Variants in CFHR3 observed in about 807,000 individuals in gnomAD.
The protein encoded by CFHR3 is complement factor H related 3.
CFHR3 carries 22 observed loss-of-function variants against 36.0 expected under a neutral mutation model. The ratio of observed to expected loss-of-function variants is 0.61; its 90% CI spans 0.44 to 0.87. The LOEUF (loss-of-function observed/expected upper bound fraction) is 0.87. Ranked by LOEUF, CFHR3 falls within the 40% of genes least tolerant of loss-of-function variation. The pLI is 0.00. For synonymous variants in CFHR3, 97 were observed against 137.4 expected (o/e 0.71, Z 2.06); for missense variants, 276 against 401.3 (o/e 0.69, Z 2.67).
intron 5 of CFHR3, among the ~76,000 whole-genome samples, chr1:196,792,797 G>A (rs1421047350): frequency 2.3e-5 from 3 of 130,996 alleles, no homozygotes; most frequent in Non-Finnish European, 4.8e-5. Context: ...ATGTATGTAT[G>A]TATATATAGT....
chr1:196,792,956 G>A (rs422427), intron 5 of CFHR3, among the ~76,000 whole-genome samples: 36,580 of 133,990 alleles, frequency 0.27, 10,204 homozygotes, highest in East Asian at 0.5. Flanking sequence ...TTGTCGAATG[G>A]GGGAAAGGAG....
intron 4 of CFHR3, chr1:196,789,253 T>C: frequency 1.2e-6 from 1 of 801,436 alleles, no homozygotes; most frequent in Non-Finnish European, 1.5e-6. Context: ...ATATGGAACC[T>C]TGATACATAA....
chr1:196,791,404 T>C (rs1260641568), intron 5 of CFHR3, among the ~76,000 whole-genome samples: 2 of 134,988 alleles, frequency 1.5e-5, no homozygotes, highest in South Asian at 2.6e-4. Flanking sequence ...GGTAGAGCCC[T>C]GGGACACCCA....
rs1324061253 is a variant in CFHR3, at chr1:196,791,963, C to CA, written c.797-1350dup. On this transcript the variant is annotated intron_variant, in intron 5 of 5. Transcript: ENST00000367425. ...TGATACAAGCAAGACTTTCAGTCTTCAAAACTAAAGAAGCAAAGAGCATTC... is the reference window on the plus strand; with the variant it reads ...TGATACAAGCAAGACTTTCAGTCTTCAAAAACTAAAGAAGCAAAGAGCATTC... Among the ~76,000 whole-genome samples, 3 of 133,858 alleles carry CA rather than the reference C, an allele frequency of 2.2e-5. 1 individual carries two copies. The highest frequency in any genetic ancestry group is 4.7e-5 in the Non-Finnish European group (3 of 63,854). 87.8% of individuals were successfully genotyped at this position (133,858 alleles called of 152,430 possible). A position where few individuals can be genotyped will look rare whatever the true frequency, so the allele number is the denominator to read the frequency against.
In CFHR3 at chr1:196,775,278, G is replaced by C. The variant is rs1305000723; in HGVS notation, c.58+334G>C. Among the ~76,000 whole-genome samples, 14 of 136,826 alleles carry C rather than the reference G, an allele frequency of 1.0e-4. 2 individuals are homozygous for C. The highest frequency in any genetic ancestry group is 8.5e-4 in the Admixed American group (12 of 14,178). The allele number at this position is 136,826 out of a possible 152,430, so 89.8% of individuals were successfully genotyped here. ...ACAGATTCTAAGCTTAAAATGTTCAGAATTTTCCTATACGTAATACAAGGG... is the reference window on the plus strand; with the variant it reads ...ACAGATTCTAAGCTTAAAATGTTCACAATTTTCCTATACGTAATACAAGGG... On this transcript the variant is annotated intron_variant, in intron 1 of 5. Coordinates refer to ENST00000367425, the MANE Select transcript of CFHR3 (RefSeq NM_021023.6).
chr1:196,782,273 C>T lies in CFHR3; in HGVS notation c.430+2300C>T, dbSNP rs1426750357. 3.6e-5 allele frequency among the ~76,000 whole-genome samples: 5 copies of T among 137,048 alleles called. 2 individuals carry two copies. The highest frequency in any genetic ancestry group is 3.1e-5 in the Non-Finnish European group (2 of 64,604). 89.9% of individuals were successfully genotyped at this position (137,048 alleles called of 152,430 possible). ...CTTTGTTCTTTTGGCTTAGGATTGA[C>T]TTGGTGATGCGGGCTCTTTTTTGGT... On this transcript the variant is annotated intron_variant, in intron 3 of 5. Coordinates refer to ENST00000367425, the MANE Select transcript of CFHR3 (RefSeq NM_021023.6).
At chr1:196,788,775 A>G (rs1488351663) in intron 4 of CFHR3, 2 of 1,456,678 alleles carry the variant, frequency 1.4e-6, no homozygotes, top group African/African-American at 3.4e-5. Flanking sequence ...GCTCACGCTC[A>G]GAAAAGTTGT....
In CFHR3 at chr1:196,779,885, C is replaced by A. The variant is rs763700926; in HGVS notation, c.342C>A (p.Cys114Ter). 6.5e-7 allele frequency: 1 copy of A among 1,533,162 alleles called. No individual in the cohort carries two copies. The highest frequency in any genetic ancestry group is 1.7e-5 in the Admixed American group (1 of 58,144). 95.0% of individuals were successfully genotyped at this position (1,533,162 alleles called of 1,614,324 possible). A position where few individuals can be genotyped will look rare whatever the true frequency, so the allele number is the denominator to read the frequency against. Residue 114 changes from cysteine to a stop codon, truncating the protein, a stop_gained, in exon 3 of 6, where the codon TGC becomes TGA. Coordinates refer to ENST00000367425, the MANE Select transcript of CFHR3 (RefSeq NM_021023.6). LOFTEE classifies it high-confidence loss of function. ...AGGGTAACTCTACAGAAGTTGCCTGCCATCCTGGCTACGGTCTTCCAAAAG... is the reference window on the plus strand; with the variant it reads ...AGGGTAACTCTACAGAAGTTGCCTGACATCCTGGCTACGGTCTTCCAAAAG... ...FVQGNSTEVA[C>*]HPGYGLPKAQ...
At chr1:196,780,003 G>A (rs1210069828) in intron 3 of CFHR3, 30 bp downstream of exon 3, 1 of 1,530,688 alleles carries the variant, frequency 6.5e-7, no homozygotes, top group Non-Finnish European at 8.8e-7. Context: ...ATCCCAGCAT[G>A]TTCATGTCTT....
At chr1:196,787,438 T>G (rs1309233152) in intron 3 of CFHR3, among the ~76,000 whole-genome samples, 1 of 137,054 alleles carries the variant, frequency 7.3e-6, no homozygotes, top group African/African-American at 3.1e-5. Flanking sequence ...TTTAACATGA[T>G]TTCTTTTTCT....
At position 196,789,162 on chromosome 1, in the gene CFHR3, A is replaced by G. The variant is rs1299919793; in HGVS notation, c.613+764A>G. 1.9e-5 allele frequency: 18 copies of G among 968,450 alleles called. 3 individuals carry two copies. Among genetic ancestry groups the G allele is most frequent in the Non-Finnish European group, 2.0e-5 (16 of 803,388 alleles). 60.0% of individuals were successfully genotyped at this position (968,450 alleles called of 1,614,324 possible). On this transcript the variant is annotated intron_variant, in intron 4 of 5. Transcript: ENST00000367425. ...AAATTGCTGAATGTATTTTTAACCC[A>G]AATACTGTTGTATAATTTACATACT...
rs751894448 is a variant in CFHR3, at chr1:196,788,303, A to G, written c.518A>G (p.Tyr173Cys). The change falls in exon 4 of 6, where the codon TAT (tyrosine) becomes TGT (cysteine). Residue 173 changes from tyrosine to cysteine, a missense_variant. By Grantham distance (194) the Tyr-to-Cys change is radical. Transcript: ENST00000367425. ...TATATTTTAAATAAAGAAATACAAT[A>G]TAAATGTAAACCAGGATATGCAACA... ...SIYILNKEIQ[Y>C]KCKPGYATAD... is the part of the protein sequence containing the mutation. The G allele has an allele frequency of 2.6e-6, 4 of 1,512,988 alleles. 1 individual carries two copies. The highest frequency in any genetic ancestry group is 2.6e-5 in the South Asian group (2 of 76,858). The allele number at this position is 1,512,988 out of a possible 1,614,324, so 93.7% of individuals were successfully genotyped here. A position where few individuals can be genotyped will look rare whatever the true frequency, so the allele number is the denominator to read the frequency against.
chr1:196,789,010 C>T, intron 4 of CFHR3: 2 of 1,287,566 alleles, frequency 1.6e-6, no homozygotes, highest in East Asian at 2.7e-5. Flanking sequence ...ATGTAAAGTT[C>T]TCTGAACGTG....
rs1332337259 is a variant in CFHR3 at position 196,785,114 on chromosome 1, G to A, written c.431-3102G>A. Among the ~76,000 whole-genome samples, 2 of 136,428 alleles carry A rather than the reference G, an allele frequency of 1.5e-5. 1 individual carries two copies. The highest frequency in any genetic ancestry group is 3.1e-5 in the Non-Finnish European group (2 of 64,452). 89.5% of individuals were successfully genotyped at this position (136,428 alleles called of 152,430 possible). On this transcript the variant is annotated intron_variant, in intron 3 of 5. Coordinates refer to ENST00000367425, the MANE Select transcript of CFHR3 (RefSeq NM_021023.6). ...CTGGGTTGAAAATTCTTCTCTTTAA[G>A]AATGTTGAATATTGGCCCCCACTCT...
In CFHR3 at chr1:196,794,366, G is replaced by A. The variant is rs1428997222; in HGVS notation, c.*853G>A. Among the ~76,000 whole-genome samples, 2 of 136,800 alleles carry A rather than the reference G, an allele frequency of 1.5e-5. 1 individual carries two copies. The allele number at this position is 136,800 out of a possible 152,430, so 89.7% of individuals were successfully genotyped here. On this transcript the variant is annotated 3_prime_UTR_variant, in exon 6 of 6. Coordinates refer to ENST00000367425, the MANE Select transcript of CFHR3 (RefSeq NM_021023.6). Reference sequence around the variant, plus strand: ...TAGTCCCAGCTACTCAGGAGGCTGAGGTGGGAGAATCACTTTAACCAGTGG... The same window carrying A: ...TAGTCCCAGCTACTCAGGAGGCTGAAGTGGGAGAATCACTTTAACCAGTGG...
intron 5 of CFHR3, among the ~76,000 whole-genome samples, chr1:196,790,741 TA>T (rs1654396109): frequency 6.8e-5 from 1 of 14,676 alleles, no homozygotes; most frequent in African/African-American, 6.8e-4. Context: ...AAAAAAATAA[TA>T]AATAAATAAA....
intron 3 of CFHR3, among the ~76,000 whole-genome samples, chr1:196,786,038 C>G (rs1212956429): frequency 7.3e-6 from 1 of 136,506 alleles, no homozygotes. Context: ...CCCTCAGCTG[C>G]AGGTCTGTTG....
chr1:196,786,291 G>A lies in CFHR3; in HGVS notation c.431-1925G>A, dbSNP rs1210547134. On this transcript the variant is annotated intron_variant, in intron 3 of 5. Transcript: ENST00000367425. ...TGAGGAGGCAGTCTGCCCGTTCTCA[G>A]ATCTCCAGCTGCGTGCTGGGAGAAC... Among the ~76,000 whole-genome samples, 3 of 135,456 alleles carry A rather than the reference G, an allele frequency of 2.2e-5. 1 individual carries two copies. Among genetic ancestry groups the A allele is most frequent in the Admixed American group, 2.1e-4 (3 of 14,128 alleles). 88.9% of individuals were successfully genotyped at this position (135,456 alleles called of 152,430 possible). A position where few individuals can be genotyped will look rare whatever the true frequency, so the allele number is the denominator to read the frequency against.
chr1:196,781,691 T>A (rs986388385), intron 3 of CFHR3, among the ~76,000 whole-genome samples: 7 of 135,502 alleles, frequency 5.2e-5, no homozygotes, highest in Admixed American at 5.0e-4. Context: ...CATTGTAGAT[T>A]CTGGATATTA....
Sources: allele counts gnomAD v4.1 joint callset (sites outside exome capture counted in the v4.1 genomes callset), GRCh38; gene constraint gnomAD v4.1.1; transcripts MANE v1.5; gene names NCBI Gene and HGNC (gene_info 2026-07-23, HGNC 2026-07-21).